The following ADAMTS20 variants were observed in gnomAD, a reference collection of about 807,000 sequenced individuals.
The protein encoded by ADAMTS20 is A disintegrin and metalloproteinase with thrombospondin motifs 20.
In ADAMTS20, 225 loss-of-function variants were observed where a neutral mutation model predicts 260.1. The ratio of observed to expected loss-of-function variants is 0.87; its 90% CI spans 0.78 to 0.97. The LOEUF (loss-of-function observed/expected upper bound fraction) is 0.97, where lower values mean the gene tolerates loss of function less well. ADAMTS20 is among the 50% of genes least tolerant of loss of function. ADAMTS20 has a pLI of 0.00. For missense variants in ADAMTS20, 2,400 were observed against 2,337.7 expected, an observed-to-expected ratio of 1.03 and a Z score of -0.55; for synonymous variants, 802 against 769.5, an observed-to-expected ratio of 1.04 and a Z score of -0.70.
chr12:43,458,340 C>T (rs143836358), intron 11 of ADAMTS20, among the ~76,000 whole-genome samples: 11 of 152,330 alleles, frequency 7.2e-5, no homozygotes, highest in Admixed American at 1.3e-4. Context: ...TGTCCTGAGA[C>T]GTTCCCAAGT....
At chr12:43,501,480 C>CGT (rs1194232346) in intron 4 of ADAMTS20, among the ~76,000 whole-genome samples, 2 of 69,230 alleles carry the variant, frequency 2.9e-5, no homozygotes, top group Non-Finnish European at 5.0e-5. Flanking sequence ...CGCGCGCGCG[C>CGT]GCACACACAC....
chr12:43,551,218 G>A lies in ADAMTS20; in HGVS notation c.144C>T (p.Val48=), dbSNP rs781460004. 1 of 1,613,870 alleles carries A rather than the reference G, an allele frequency of 6.2e-7. No homozygotes were observed. Among genetic ancestry groups the A allele is most frequent in the Non-Finnish European group, 8.5e-7 (1 of 1,179,882 alleles). ...TSYEVVIPER[V]NEFGEVFPQS... is the part of the protein sequence containing the mutation. The stretch of plus-strand genomic sequence containing the variant: ...GAGGGAACACTTCTCCAAACTCATT[G>A]ACCCGCTCGGGGATCACTACTTCGT... The change falls in exon 2 of 39, where the codon GTC becomes GTT. Residue 48 remains valine (V), a synonymous_variant. Transcript: ENST00000389420. The surrounding 1 kb of genome is among the most constrained non-coding windows in gnomAD (Gnocchi z 4.6).
chr12:43,501,479 G>GCACACACACACACACACACACACA (rs746038595), intron 4 of ADAMTS20, among the ~76,000 whole-genome samples: 2 of 67,052 alleles, frequency 3.0e-5, no homozygotes, highest in Non-Finnish European at 3.9e-5. Context: ...GCGCGCGCGC[G>GCACACACACACACACACACACACA]CGCACACACA....
At chr12:43,353,008 T>A (rs116356975), downstream of ADAMTS20, among the ~76,000 whole-genome samples, 188 of 152,230 alleles carry the variant, frequency 1.2e-3, no homozygotes, top group African/African-American at 4.5e-3. Flanking sequence ...GAAAAACACT[T>A]TGTGGGTAAA....
chr12:43,381,871 G>T (rs1267278143), intron 31 of ADAMTS20, among the ~76,000 whole-genome samples: 1 of 141,234 alleles, frequency 7.1e-6, no homozygotes, highest in African/African-American at 2.7e-5. Context: ...CACACAAAAA[G>T]ATACTCAACA....
chr12:43,548,186 A>G (rs775999805), intron 2 of ADAMTS20, among the ~76,000 whole-genome samples: 1 of 152,226 alleles, frequency 6.6e-6, no homozygotes, highest in Non-Finnish European at 1.5e-5. Context: ...AAACTAAAGT[A>G]AAGCAAAAAG....
chr12:43,481,136 A>G (rs1942435209), intron 7 of ADAMTS20, among the ~76,000 whole-genome samples: 1 of 152,156 alleles, frequency 6.6e-6, no homozygotes, highest in Non-Finnish European at 1.5e-5. Flanking sequence ...CACCAGATTA[A>G]CCCATTTATA....
chr12:43,373,735 A>G (rs569359012), intron 36 of ADAMTS20, among the ~76,000 whole-genome samples: 1 of 121,238 alleles, frequency 8.2e-6, no homozygotes, highest in East Asian at 2.6e-4. Flanking sequence ...GCTGGAGTGC[A>G]GTGGCGCGAT....
rs760520689 is a variant in ADAMTS20 at position 43,452,576 on chromosome 12, C to T, written c.1880G>A (p.Gly627Asp). Residue 627 changes from glycine (G) to aspartate (D), a missense_variant, in exon 13 of 39, where the codon GGT becomes GAT. Coordinates refer to ENST00000389420, the MANE Select transcript of ADAMTS20 (RefSeq NM_025003.5). ...AATGCCACTGATGTCCAAATGTTTA[C>T]CATTAAAATCAGAGCACTGCTTCTC... The part of the protein sequence containing the change: ...FREKQCSDFN[G>D]KHLDISGIPS... 7.4e-6 allele frequency: 12 copies of T among 1,613,460 alleles called. No individual in the cohort carries two copies. Among genetic ancestry groups the T allele is most frequent in the Non-Finnish European group, 3.4e-6 (4 of 1,179,732 alleles).
chr12:43,540,772 T>C (rs1592117015), intron 2 of ADAMTS20, among the ~76,000 whole-genome samples: 1 of 152,300 alleles, frequency 6.6e-6, no homozygotes, highest in East Asian at 1.9e-4. Context: ...TTTCTTTCAA[T>C]GACTATTAAA....
At chr12:43,443,724 C>A in intron 16 of ADAMTS20, 67 bp downstream of exon 16, 1 of 1,281,358 alleles carries the variant, frequency 7.8e-7, no homozygotes, top group South Asian at 1.2e-5. Flanking sequence ...GAATTCACAT[C>A]AACTACAGAC....
At chr12:43,391,433 G>A (rs10880482) in intron 29 of ADAMTS20, among the ~76,000 whole-genome samples, 37,803 of 152,046 alleles carry the variant, frequency 0.25, 5,302 homozygotes, top group African/African-American at 0.38. Context: ...GGGGATGAAG[G>A]AGGACTTGGC....
chr12:43,454,017 C>T lies in ADAMTS20; in HGVS notation c.1650G>A (p.Thr550=), dbSNP rs964358021. Residue 550 remains threonine (T), a synonymous_variant, in exon 12 of 39, where the codon ACG becomes ACA. Transcript: ENST00000389420. ...CRHGLCVNKE[T]ETRPVNGEWG... is the part of the protein sequence containing the mutation. ...ATTCACCATTTACAGGACGTGTTTC[C>T]GTTTCTTTGTTTACACATAGCCCAT... The T allele has an allele frequency of 6.8e-6, 11 of 1,613,448 alleles. No individual in the cohort carries two copies. Among genetic ancestry groups the T allele is most frequent in the African/African-American group, 4.0e-5 (3 of 74,876 alleles).
At chr12:43,379,439 G>A (rs924626935) in intron 31 of ADAMTS20, among the ~76,000 whole-genome samples, 1 of 152,078 alleles carries the variant, frequency 6.6e-6, no homozygotes, top group African/African-American at 2.4e-5. Context: ...GCAAGCTCAG[G>A]AAGCATCTGA....
chr12:43,357,747 C>T (rs892605573), intron 37 of ADAMTS20, among the ~76,000 whole-genome samples: 1 of 152,140 alleles, frequency 6.6e-6, no homozygotes, highest in African/African-American at 2.4e-5. Flanking sequence ...GAGCCCAGAA[C>T]AGGGCCTAAG....
intron 29 of ADAMTS20, among the ~76,000 whole-genome samples, chr12:43,392,828 A>C (rs1426149835): frequency 1.3e-5 from 2 of 152,142 alleles, no homozygotes; most frequent in East Asian, 1.9e-4. Flanking sequence ...AGGGTCTTTT[A>C]CTATTTTCTC....
chr12:43,495,103 T>C lies in ADAMTS20; in HGVS notation c.868-1850A>G, dbSNP rs1942658754. ...ATGTTATAATATCAGCTATAAAATA[T>C]ATAATCACAAAAATATTTCCAGTTT... On this transcript the variant is annotated intron_variant, in intron 4 of 38. Transcript: ENST00000389420. Among the ~76,000 whole-genome samples the C allele has an allele frequency of 2.0e-5, 3 of 152,226 alleles. No individual in the cohort carries two copies. In the South Asian group the frequency reaches 6.2e-4, roughly 32 times the overall value.
intron 4 of ADAMTS20, among the ~76,000 whole-genome samples, chr12:43,499,601 T>C (rs1592098619): frequency 2.0e-5 from 3 of 151,614 alleles, no homozygotes; most frequent in South Asian, 2.1e-4. Flanking sequence ...GATTCCCAGG[T>C]TCAAGCAATT....
At chr12:43,464,469 A>C (rs1942118066) in intron 10 of ADAMTS20, 122 bp downstream of exon 10, 1 of 1,231,824 alleles carries the variant, frequency 8.1e-7, no homozygotes, top group African/African-American at 1.5e-5. Context: ...CTTTTTGATA[A>C]ATACTAAATT....
Sources: gnomAD v4.1 joint callset for allele counts (sites outside exome capture counted in the v4.1 genomes callset) on GRCh38, gnomAD v4.1.1 for gene constraint, Gnocchi (gnomAD v3.1) non-coding constraint, MANE v1.5 for transcripts, NCBI Gene and HGNC (gene_info 2026-07-23, HGNC 2026-07-21) for gene names.